The following BCR variants were observed in gnomAD, a reference collection of about 807,000 sequenced individuals.
BCR encodes BCR activator of RhoGEF and GTPase.
Under a neutral mutation model 138.6 loss-of-function variants are expected in BCR, and 58 were observed. The ratio of observed to expected loss-of-function variants is 0.42; its 90% CI spans 0.34 to 0.52. The LOEUF is 0.52. Among genes scored for constraint, BCR ranks in the 20% least tolerant of loss-of-function variants. The probability of loss-of-function intolerance (pLI) is 0.06; values close to 1 mark genes in which losing one functional copy is unlikely to be tolerated. For missense variants in BCR, 1,599 were observed against 1,727.2 expected, an observed-to-expected ratio of 0.93 and a Z score of 1.32; for synonymous variants, 786 against 730.1, an observed-to-expected ratio of 1.08 and a Z score of -1.23.
Position 23,295,026 on chromosome 22 carries a change from A to G in BCR, c.2883A>G (p.Glu961=), listed in dbSNP as rs1300544614. 2 of 1,613,780 alleles carry G rather than the reference A, an allele frequency of 1.2e-6. No individual in the cohort carries two copies. Among genetic ancestry groups the G allele is most frequent in the African/African-American group, 2.7e-5 (2 of 74,914 alleles). The change falls in exon 16 of 23, where the codon GAA becomes GAG. Residue 961 remains glutamate (E), a splice_region_variant and synonymous_variant. Coordinates refer to ENST00000305877, the MANE Select transcript of BCR (RefSeq NM_004327.4). ...TCCCTTCTCCCTTGGGGCTGCAGGA[A>G]TTTGAGATAGAGCTGGAGGGCTCCC... is the stretch of plus-strand genomic sequence containing the variant. The part of the protein sequence containing the change: ...RDTAEPNWNE[E]FEIELEGSQT...
chr22:23,250,533 A>G (rs934048057), intron 1 of BCR, among the ~76,000 whole-genome samples: 1 of 152,194 alleles, frequency 6.6e-6, no homozygotes, highest in Non-Finnish European at 1.5e-5. Context: ...TCCCTTGGGC[A>G]CTTGGACACC....
chr22:23,194,336 G>A (rs548036202), intron 1 of BCR, among the ~76,000 whole-genome samples: 63 of 152,094 alleles, frequency 4.1e-4, no homozygotes, highest in African/African-American at 1.4e-3. Context: ...GGCTGGGCGT[G>A]GTGGCTCATG....
intron 2 of BCR, among the ~76,000 whole-genome samples, chr22:23,259,752 C>T (rs2073336318): frequency 6.6e-6 from 1 of 152,098 alleles, no homozygotes; most frequent in Admixed American, 6.5e-5. Context: ...AACTCCTGGC[C>T]TCAGGTGATC....
intron 5 of BCR, among the ~76,000 whole-genome samples, chr22:23,269,406 C>G (rs75755813): frequency 0.012 from 1,816 of 152,338 alleles, 68 homozygotes; most frequent in East Asian, 0.081. Context: ...CGTGTGAGAA[C>G]CGCAGGGTTA....
chr22:23,196,902 A>G (rs1028582664), intron 1 of BCR, among the ~76,000 whole-genome samples: 2 of 152,174 alleles, frequency 1.3e-5, no homozygotes, highest in African/African-American at 4.8e-5. Context: ...CAGGCCACGG[A>G]CTGATACCAG....
chr22:23,226,883 C>T (rs2072900298), intron 1 of BCR, among the ~76,000 whole-genome samples: 1 of 152,114 alleles, frequency 6.6e-6, no homozygotes, highest in African/African-American at 2.4e-5. Flanking sequence ...TCAGTTGCAC[C>T]TGAAAGGGGC....
At chr22:23,279,524 G>A (rs990836103) in intron 8 of BCR, among the ~76,000 whole-genome samples, 1 of 152,252 alleles carries the variant, frequency 6.6e-6, no homozygotes, top group Non-Finnish European at 1.5e-5. Context: ...CTCCAGGGGT[G>A]TGCGCTTTGC....
Position 23,180,555 on chromosome 22 carries a change from G to A in BCR, c.-406G>A. On this transcript the variant is annotated 5_prime_UTR_variant, in exon 1 of 23. Transcript: ENST00000305877. ...AGTGCGGCGAGAGCCGGCTGGCTGA[G>A]CTTAGCGTCCGAGGAGGCGGCGGCG... 1 of 180,492 alleles carries A rather than the reference G, an allele frequency of 5.5e-6. No individual in the cohort carries two copies. 11.2% of individuals were successfully genotyped at this position (180,492 alleles called of 1,614,324 possible). A position where few individuals can be genotyped will look rare whatever the true frequency, so the allele number is the denominator to read the frequency against.
intron 9 of BCR, 116 bp downstream of exon 9, chr22:23,284,214 A>C (rs2073683041): frequency 7.0e-7 from 1 of 1,432,282 alleles, no homozygotes; most frequent in African/African-American, 1.4e-5. Context: ...TTCCGTTTCT[A>C]CTTGGGCACA....
At position 23,261,418 on chromosome 22, in the gene BCR, G is replaced by A. The variant is rs1432237017; in HGVS notation, c.1630G>A (p.Glu544Lys). The A allele has an allele frequency of 3.7e-6, 6 of 1,613,790 alleles. No individual in the cohort carries two copies. The African/African-American group carries it at 4.0e-5, about 11-fold the overall frequency. The change falls in exon 4 of 23, where the codon GAG becomes AAG. Residue 544 changes from glutamate (E) to lysine (K), a missense_variant. Glu to Lys is a moderately conservative substitution (Grantham distance 56, BLOSUM62 1). Coordinates refer to ENST00000305877, the MANE Select transcript of BCR (RefSeq NM_004327.4). The stretch of plus-strand genomic sequence containing the variant: ...GCCGGTGCTGACGAGTCAGCAGATC[G>A]AGACCATCTTCTTCAAAGTGCCTGA... ...SQPVLTSQQI[E>K]TIFFKVPELY...
At chr22:23,268,792 G>A (rs1347015170) in intron 5 of BCR, among the ~76,000 whole-genome samples, 1 of 152,244 alleles carries the variant, frequency 6.6e-6, no homozygotes, top group East Asian at 1.9e-4. Flanking sequence ...TGTCTGCAGT[G>A]AGGGGTGTCT....
At chr22:23,301,714 TC>T (rs1278269467) in intron 16 of BCR, among the ~76,000 whole-genome samples, 3 of 152,220 alleles carry the variant, frequency 2.0e-5, no homozygotes, top group Non-Finnish European at 2.9e-5. Flanking sequence ...GCTTCTCTGA[TC>T]TAGACCATGA....
rs565891345 is a variant in BCR, at chr22:23,301,648, A to G, written c.3012+6493A>G. Among the ~76,000 whole-genome samples, 7 of 152,326 alleles carry G rather than the reference A, an allele frequency of 4.6e-5. No individual in the cohort carries two copies. In the South Asian group the frequency reaches 6.2e-4, roughly 14 times the overall value. On this transcript the variant is annotated intron_variant, in intron 16 of 22. Transcript: ENST00000305877. Reference sequence around the variant, plus strand: ...ACCGTGCCATCTGAGCCACCAGTCAATCTGGGCCAAAGCCTGCCCTGGCTC... The same window carrying G: ...ACCGTGCCATCTGAGCCACCAGTCAGTCTGGGCCAAAGCCTGCCCTGGCTC...
At chr22:23,290,620 C>G (rs1188465996) in intron 14 of BCR, 2 of 564,252 alleles carry the variant, frequency 3.5e-6, no homozygotes, top group African/African-American at 3.8e-5. Flanking sequence ...TGCCCTCTCC[C>G]CTAGCCTGTC....
chr22:23,317,262 G>C lies in BCR; in HGVS notation c.*1740G>C, dbSNP rs1392584046. 1 of 162,992 alleles carries C rather than the reference G, an allele frequency of 6.1e-6. No homozygotes were observed. The highest frequency in any genetic ancestry group is 3.5e-5 in the African/African-American group (1 of 28,652). The allele number at this position is 162,992 out of a possible 1,614,324, so 10.1% of individuals were successfully genotyped here. ...ACTTGAAGGCTTTCTGTCTGCGTCT[G>C]TGTGCAGTGTGGATTTAGTTGTGCT... is the stretch of plus-strand genomic sequence containing the variant. On this transcript the variant is annotated 3_prime_UTR_variant, in exon 23 of 23. Transcript: ENST00000305877.
chr22:23,182,652 G>A (rs1431209652), intron 1 of BCR, among the ~76,000 whole-genome samples: 3 of 152,172 alleles, frequency 2.0e-5, no homozygotes, highest in Admixed American at 2.0e-4. Flanking sequence ...CTGTTAGCAG[G>A]GACTGATTTA....
intron 1 of BCR, among the ~76,000 whole-genome samples, chr22:23,222,910 C>T (rs5996500): frequency 0.034 from 5,101 of 152,202 alleles, 276 homozygotes; most frequent in African/African-American, 0.11. Flanking sequence ...AGATTTAGTG[C>T]GCACAGTTCT....
intron 9 of BCR, among the ~76,000 whole-genome samples, chr22:23,284,597 G>C (rs1260364605): frequency 6.6e-6 from 1 of 152,190 alleles, no homozygotes; most frequent in African/African-American, 2.4e-5. Context: ...CCGTTGCCCT[G>C]CTGAGTGGGT....
chr22:23,222,628 G>A (rs2072838429), intron 1 of BCR, among the ~76,000 whole-genome samples: 1 of 152,146 alleles, frequency 6.6e-6, no homozygotes, highest in African/African-American at 2.4e-5. Flanking sequence ...GCGTGGCAGG[G>A]GCCCATGGGC....
Sources: allele counts gnomAD v4.1 joint callset (sites outside exome capture counted in the v4.1 genomes callset), GRCh38; gene constraint gnomAD v4.1.1; transcripts MANE v1.5; gene names NCBI Gene and HGNC (gene_info 2026-07-23, HGNC 2026-07-21).